ZNF37A: variants seen among roughly 807,000 people sequenced by gnomAD.
ZNF37A encodes zinc finger protein 37A, also known as zinc finger protein 37a (KOX 21).
A neutral mutation model predicts 12.3 loss-of-function variants in ZNF37A; 10 were observed. That is an observed-to-expected ratio of 0.82 (90% CI 0.50 to 1.38). ZNF37A has a LOEUF of 1.38. ZNF37A is among the 40% of genes most tolerant of loss of function. ZNF37A has a pLI of 0.00. For missense variants in ZNF37A, 580 were observed against 651.2 expected (o/e 0.89, Z 1.19); for synonymous variants, 207 against 223.0 (o/e 0.93, Z 0.64).
intron 7 of ZNF37A, chr10:38,144,274 A>G (rs1484910559): frequency 7.1e-6 from 1 of 140,852 alleles, no homozygotes; most frequent in Non-Finnish European, 1.5e-5. Context: ...TGTCTGTGAG[A>G]AAGAAAAGAT....
intron 5 of ZNF37A, among the ~76,000 whole-genome samples, chr10:38,105,719 T>G (rs1472634010): frequency 6.6e-6 from 1 of 152,186 alleles, no homozygotes; most frequent in Non-Finnish European, 1.5e-5. Context: ...GGACATACAT[T>G]CAGACCATAG....
chr10:38,124,862 A>G (rs1333270583), downstream of ZNF37A: 2 of 152,228 alleles, frequency 1.3e-5, no homozygotes, highest in African/African-American at 4.8e-5. Context: ...TTATGTGGAC[A>G]TTCAAAACAA....
intron 5 of ZNF37A, among the ~76,000 whole-genome samples, chr10:38,103,319 G>T (rs1159811559): frequency 1.3e-5 from 2 of 152,064 alleles, no homozygotes; most frequent in Non-Finnish European, 2.9e-5. Flanking sequence ...ATCTGTCACT[G>T]ATTTTCACTG....
At position 38,117,755 on chromosome 10, in the gene ZNF37A, G is replaced by C; in HGVS notation, c.604G>C (p.Gly202Arg). ...AACACATCCAAGAGAAAACCACTAT[G>C]GTAATGAATGTGGAGAAAATATCTT... ...QQTHPRENHY[G>R]NECGENIFEE... is the part of the protein sequence containing the mutation. The change falls in exon 8 of 8, where the codon GGT (glycine) becomes CGT (arginine). Residue 202 changes from glycine to arginine, a missense_variant. Physicochemically the swap from Gly to Arg is moderately radical, Grantham distance 125. Coordinates refer to ENST00000685332, the MANE Select transcript of ZNF37A (RefSeq NM_001324250.3). The C allele has an allele frequency of 3.1e-6, 5 of 1,613,880 alleles. No individual in the cohort carries two copies. Among genetic ancestry groups the C allele is most frequent in the Non-Finnish European group, 4.2e-6 (5 of 1,179,978 alleles).
chr10:38,104,457 TG>T (rs140393489), intron 5 of ZNF37A, among the ~76,000 whole-genome samples: 38,018 of 146,874 alleles, frequency 0.26, 4,984 homozygotes, highest in East Asian at 0.38. Flanking sequence ...TGCTGAGAGG[TG>T]TTTTTTGTTT....
chr10:38,113,732 G>C (rs1246542440), intron 5 of ZNF37A, among the ~76,000 whole-genome samples: 2 of 152,122 alleles, frequency 1.3e-5, no homozygotes, highest in Non-Finnish European at 2.9e-5. Flanking sequence ...CTCTAATGCT[G>C]CTCTCCAGCA....
rs2069743037 is a variant in ZNF37A at position 38,122,253 on chromosome 10, A to T, written c.*3416A>T. 1 of 152,190 alleles carries T rather than the reference A, an allele frequency of 6.6e-6. No individual in the cohort carries two copies. Among genetic ancestry groups the T allele is most frequent in the Non-Finnish European group, 1.5e-5 (1 of 68,070 alleles). The allele number at this position is 152,190 out of a possible 1,614,324, so 9.4% of individuals were successfully genotyped here. The stretch of plus-strand genomic sequence containing the variant: ...ACCCCATCTCAGGAAAAAAGAAAAA[A>T]AAAAAGATGTCATTCAGCAGGTTAA... On this transcript the variant is annotated 3_prime_UTR_variant, in exon 8 of 8. Coordinates refer to ENST00000685332, the MANE Select transcript of ZNF37A (RefSeq NM_001324250.3).
In ZNF37A at chr10:38,123,507, A is replaced by G. The variant is rs1017252251; in HGVS notation, c.*4670A>G. 2 of 152,056 alleles carry G rather than the reference A, an allele frequency of 1.3e-5. No individual in the cohort carries two copies. The highest frequency in any genetic ancestry group is 4.8e-5 in the African/African-American group (2 of 41,410). 9.4% of individuals were successfully genotyped at this position (152,056 alleles called of 1,614,324 possible). A position where few individuals can be genotyped will look rare whatever the true frequency, so the allele number is the denominator to read the frequency against. On this transcript the variant is annotated 3_prime_UTR_variant, in exon 8 of 8. Transcript: ENST00000685332. ...AGGGATCCTCTCCCTTGATCAAAAC[A>G]CCTTCCACCAAGACCCACCTTTAAC...
intron 5 of ZNF37A, among the ~76,000 whole-genome samples, chr10:38,097,283 T>A (rs969791562): frequency 6.6e-6 from 1 of 152,034 alleles, no homozygotes; most frequent in African/African-American, 2.4e-5. Flanking sequence ...AGTATGTGAT[T>A]AAAAAATTCA....
chr10:38,104,577 T>C (rs2067884026), intron 5 of ZNF37A, among the ~76,000 whole-genome samples: 1 of 152,128 alleles, frequency 6.6e-6, no homozygotes. Context: ...AATTACTCTG[T>C]GGAACAACAG....
chr10:38,098,207 C>T (rs2135861727), intron 5 of ZNF37A, among the ~76,000 whole-genome samples: 1 of 152,302 alleles, frequency 6.6e-6, no homozygotes, highest in South Asian at 2.1e-4. Flanking sequence ...TTTTGTTTAT[C>T]CATTCATCTG....
At chr10:38,132,371 T>C (rs958897609) in intron 7 of ZNF37A, among the ~76,000 whole-genome samples, 17 of 152,210 alleles carry the variant, frequency 1.1e-4, no homozygotes, top group Admixed American at 2.0e-4. Flanking sequence ...TATAGGTTTT[T>C]CCCCCTTTCT....
chr10:38,136,345 G>T (rs1268593507), intron 7 of ZNF37A, among the ~76,000 whole-genome samples: 3 of 152,024 alleles, frequency 2.0e-5, no homozygotes, highest in Admixed American at 1.3e-4. Flanking sequence ...AGGGTTTCAT[G>T]GTTTCACCAT....
chr10:38,105,941 T>C (rs1442261053), intron 5 of ZNF37A, among the ~76,000 whole-genome samples: 2 of 151,686 alleles, frequency 1.3e-5, no homozygotes, highest in Non-Finnish European at 2.9e-5. Context: ...TAGAGTAGTT[T>C]TACTTCTGCC....
chr10:38,100,212 G>C (rs937832038), intron 5 of ZNF37A, among the ~76,000 whole-genome samples: 1 of 152,178 alleles, frequency 6.6e-6, no homozygotes, highest in African/African-American at 2.4e-5. Flanking sequence ...AAGGCAAGTG[G>C]AGGCAGCGTG....
chr10:38,118,614 C>T lies in ZNF37A; in HGVS notation c.1463C>T (p.Thr488Ile), dbSNP rs764805999. The change falls in exon 8 of 8, where the codon ACT (threonine) becomes ATT (isoleucine). Residue 488 changes from threonine to isoleucine, a missense_variant. By Grantham distance (89) the Thr-to-Ile change is moderately conservative. Coordinates refer to ENST00000685332, the MANE Select transcript of ZNF37A (RefSeq NM_001324250.3). ...TCAGCCCTAATTGTTCACCAGAGAACTCATATAAGACAGAAACCCTATGGA... is the reference window on the plus strand; with the variant it reads ...TCAGCCCTAATTGTTCACCAGAGAATTCATATAAGACAGAAACCCTATGGA... The part of the protein sequence containing the change: ...QKSALIVHQR[T>I]HIRQKPYGCN... 3 of 1,605,504 alleles carry T rather than the reference C, an allele frequency of 1.9e-6. No individual in the cohort carries two copies. The East Asian group carries it at 6.8e-5, about 36-fold the overall frequency.
chr10:38,096,925 T>C (rs1025842246), intron 5 of ZNF37A, among the ~76,000 whole-genome samples: 16 of 152,362 alleles, frequency 1.1e-4, no homozygotes, highest in African/African-American at 3.6e-4. Flanking sequence ...TATTTATGTG[T>C]TGTCTGTTGG....
rs1254863628 is a variant in ZNF37A, at chr10:38,117,951, G to A, written c.800G>A (p.Gly267Glu). 3 of 1,613,826 alleles carry A rather than the reference G, an allele frequency of 1.9e-6. No individual in the cohort carries two copies. The highest frequency in any genetic ancestry group is 2.2e-5 in the South Asian group (2 of 91,076). The change falls in exon 8 of 8, where the codon GGA (glycine) becomes GAA (glutamate). Residue 267 changes from glycine to glutamate, a missense_variant. Gly to Glu is a moderately conservative substitution (Grantham distance 98). Coordinates refer to ENST00000685332, the MANE Select transcript of ZNF37A (RefSeq NM_001324250.3). ...CATTTACAACAGAGAACACATACAG[G>A]AGAAAAACCTTATGAATGTCATGAA... is the stretch of plus-strand genomic sequence containing the variant. ...VLHLQQRTHT[G>E]EKPYECHECG...
Position 38,095,741 on chromosome 10 carries a change from CAG to C in ZNF37A, c.-105_-104del, listed in dbSNP as rs1590768804. 6.6e-6 allele frequency: 1 copy of C among 152,180 alleles called. No individual in the cohort carries two copies. The highest frequency in any genetic ancestry group is 1.5e-5 in the Non-Finnish European group (1 of 68,034). 9.4% of individuals were successfully genotyped at this position (152,180 alleles called of 1,614,324 possible). On this transcript the variant is annotated splice_acceptor_variant, in intron 3 of 7. Coordinates refer to ENST00000685332, the MANE Select transcript of ZNF37A (RefSeq NM_001324250.3). LOFTEE classifies it low-confidence loss of function (5UTR_SPLICE). Reference sequence around the variant, plus strand: ...ATGACATTGACACATTTTGTTGTGGCAGAGTCAAGAACAGACAGAGTCGCTTG... The same window carrying C: ...ATGACATTGACACATTTTGTTGTGGCAGTCAAGAACAGACAGAGTCGCTTG...
Sources: allele counts gnomAD v4.1 joint callset (sites outside exome capture counted in the v4.1 genomes callset), GRCh38; gene constraint gnomAD v4.1.1; transcripts MANE v1.5; gene names NCBI Gene and HGNC (gene_info 2026-07-23, HGNC 2026-07-21).